Variants in PID1 observed in about 807,000 individuals in gnomAD.
The protein encoded by PID1 is PTB-containing, cubilin and LRP1-interacting protein.
In PID1, 10 loss-of-function variants were observed where a neutral mutation model predicts 19.1. The observed-to-expected ratio is 0.52, with a 90% CI of 0.32 to 0.89. The LOEUF (loss-of-function observed/expected upper bound fraction) is 0.89. PID1 is among the 40% of genes least tolerant of loss of function. The pLI, the probability that PID1 is intolerant of heterozygous loss-of-function variation, is 0.03. For synonymous variants in PID1, 130 were observed against 116.0 expected (o/e 1.12, Z -0.78); for missense variants, 248 against 285.3 (o/e 0.87, Z 0.94).
chr2:229,141,733 C>A (rs1405213716), intron 2 of PID1, among the ~76,000 whole-genome samples: 2 of 152,190 alleles, frequency 1.3e-5, no homozygotes, highest in Middle Eastern at 6.8e-3. Context: ...CTCATTACTT[C>A]CTGAGTAAAT....
At chr2:229,212,846 C>T (rs1198180505) in intron 1 of PID1, among the ~76,000 whole-genome samples, 1 of 152,022 alleles carries the variant, frequency 6.6e-6, no homozygotes, top group East Asian at 1.9e-4. Context: ...GAGCTCCCAC[C>T]CCCAGATTCC....
chr2:229,247,467 C>T (rs539171610), intron 1 of PID1, among the ~76,000 whole-genome samples: 2 of 152,210 alleles, frequency 1.3e-5, no homozygotes, highest in Non-Finnish European at 2.9e-5. Flanking sequence ...CCAACTACAA[C>T]TAAATTGCTG....
chr2:229,177,169 A>G (rs1302716857), intron 1 of PID1, among the ~76,000 whole-genome samples: 1 of 152,148 alleles, frequency 6.6e-6, no homozygotes, highest in African/African-American at 2.4e-5. Flanking sequence ...CCATGATTCA[A>G]TTACCTCCTA....
At position 229,163,407 on chromosome 2, in the gene PID1, C is replaced by A. The variant is rs537645796; in HGVS notation, c.31-7443G>T. 2.6e-5 allele frequency among the ~76,000 whole-genome samples: 4 copies of A among 152,226 alleles called. No individual in the cohort carries two copies. In the South Asian group the frequency reaches 8.3e-4, roughly 32 times the overall value. On this transcript the variant is annotated intron_variant, in intron 1 of 2. Transcript: ENST00000392055. ...AATCCTTATAAATTTAAAAGGCGCT[C>A]TATATCTATTAAAGAAATGGCTATT...
intron 1 of PID1, among the ~76,000 whole-genome samples, chr2:229,174,429 G>A (rs1181873695): frequency 1.3e-5 from 2 of 152,178 alleles, no homozygotes; most frequent in Admixed American, 6.5e-5. Context: ...TACATGAAAT[G>A]GTTGTAAATG....
chr2:229,210,404 T>C (rs992866106), intron 1 of PID1, among the ~76,000 whole-genome samples: 8 of 115,542 alleles, frequency 6.9e-5, no homozygotes, highest in African/African-American at 2.2e-4. Flanking sequence ...TCCCAGCTAC[T>C]GGGGAGAGTG....
At chr2:229,182,412 A>AT (rs1247471625) in intron 1 of PID1, among the ~76,000 whole-genome samples, 1 of 149,424 alleles carries the variant, frequency 6.7e-6, no homozygotes, top group Non-Finnish European at 1.5e-5. Context: ...TTTTTAAAGT[A>AT]TTAAAAAAAA....
chr2:229,212,903 A>C (rs1477066052), intron 1 of PID1, among the ~76,000 whole-genome samples: 2 of 151,956 alleles, frequency 1.3e-5, no homozygotes. Context: ...CCTGAAGTGC[A>C]CCCTCTCACC....
chr2:229,191,804 G>C (rs1250559858), intron 1 of PID1, among the ~76,000 whole-genome samples: 1 of 152,180 alleles, frequency 6.6e-6, no homozygotes. Context: ...ATGAGAGATA[G>C]TGAGGAATAT....
intron 1 of PID1, among the ~76,000 whole-genome samples, chr2:229,240,338 G>A (rs1431545090): frequency 6.6e-6 from 1 of 152,046 alleles, no homozygotes; most frequent in Non-Finnish European, 1.5e-5. Context: ...ATCAGTGAAT[G>A]TGACATCCTC....
chr2:229,186,580 T>A (rs1691137550), intron 1 of PID1, among the ~76,000 whole-genome samples: 1 of 151,964 alleles, frequency 6.6e-6, no homozygotes, highest in Non-Finnish European at 1.5e-5. Flanking sequence ...ACAGCTGGAG[T>A]GGCTAGGACA....
At chr2:229,064,656 T>A (rs530649242) in intron 2 of PID1, among the ~76,000 whole-genome samples, 1 of 152,276 alleles carries the variant, frequency 6.6e-6, no homozygotes, top group African/African-American at 2.4e-5. Flanking sequence ...TATTTGTTTG[T>A]GTTTTTGAAG....
intron 1 of PID1, chr2:229,231,845 G>T (rs931131654): frequency 3.2e-6 from 5 of 1,541,510 alleles, no homozygotes; most frequent in Non-Finnish European, 3.5e-6. Flanking sequence ...TTACCTCCTT[G>T]TCTTAATCTG....
At chr2:229,247,878 A>C (rs1054541621) in intron 1 of PID1, among the ~76,000 whole-genome samples, 6 of 152,150 alleles carry the variant, frequency 3.9e-5, no homozygotes, top group African/African-American at 1.4e-4. Context: ...ACCAACCACC[A>C]ACACTTTATC....
At chr2:229,221,291 A>G (rs1322986828) in intron 1 of PID1, among the ~76,000 whole-genome samples, 1 of 152,170 alleles carries the variant, frequency 6.6e-6, no homozygotes, top group Non-Finnish European at 1.5e-5. Flanking sequence ...CTTTAGAGCC[A>G]TGTATCTACT....
At chr2:229,103,196 A>T (rs1386955081) in intron 2 of PID1, among the ~76,000 whole-genome samples, 1 of 152,180 alleles carries the variant, frequency 6.6e-6, no homozygotes, top group African/African-American at 2.4e-5. Flanking sequence ...TCCCCCACTT[A>T]GGCCTGGACA....
chr2:229,113,449 C>T (rs1469233927), intron 2 of PID1, among the ~76,000 whole-genome samples: 2 of 31,188 alleles, frequency 6.4e-5, no homozygotes, highest in African/African-American at 1.3e-4. Context: ...TATACACACA[C>T]AAACACACAC....
intron 2 of PID1, among the ~76,000 whole-genome samples, chr2:229,063,028 G>A (rs1023561248): frequency 6.6e-6 from 1 of 151,688 alleles, no homozygotes; most frequent in Non-Finnish European, 1.5e-5. Context: ...TCTTAGTCTG[G>A]CTAAAGGTTT....
At chr2:229,108,481 T>C (rs1281820253) in intron 2 of PID1, among the ~76,000 whole-genome samples, 1 of 152,218 alleles carries the variant, frequency 6.6e-6, no homozygotes, top group Non-Finnish European at 1.5e-5. Context: ...AGAGATATTC[T>C]ACAGGGTGTC....
Sources: gnomAD v4.1 joint callset for allele counts (sites outside exome capture counted in the v4.1 genomes callset) on GRCh38, gnomAD v4.1.1 for gene constraint, MANE v1.5 for transcripts, NCBI Gene and HGNC (gene_info 2026-07-23, HGNC 2026-07-21) for gene names.